The following C10orf90 variants were observed in gnomAD, a reference collection of about 807,000 sequenced individuals.
C10orf90 encodes (E2-independent) E3 ubiquitin-conjugating enzyme FATS.
Under a neutral mutation model 62.5 loss-of-function variants are expected in C10orf90, and 56 were observed. The observed-to-expected ratio is 0.90, with a 90% confidence interval of 0.72 to 1.12. The LOEUF (loss-of-function observed/expected upper bound fraction) is 1.12. Among genes scored for constraint, C10orf90 ranks in the 50% most tolerant of loss-of-function variants. The pLI is 0.00. For synonymous variants in C10orf90, 386 were observed against 340.4 expected (o/e 1.13, Z -1.47); for missense variants, 970 against 880.4 (o/e 1.10, Z -1.29).
intron 2 of C10orf90, among the ~76,000 whole-genome samples, chr10:126,623,840 CAA>C (rs34974050): frequency 2.2e-3 from 43 of 19,556 alleles, no homozygotes; most frequent in African/African-American, 4.4e-3. Context: ...GACTCCATCT[CAA>C]AAAAAAAAAA....
chr10:126,515,840 C>T (rs372978275), intron 2 of C10orf90, among the ~76,000 whole-genome samples: 49 of 152,310 alleles, frequency 3.2e-4, no homozygotes, highest in African/African-American at 7.2e-4. Flanking sequence ...TGACAGTGAG[C>T]GCCATCAGCT....
rs1007317251 is a variant in C10orf90, at chr10:126,425,186, T to C, written c.*678A>G. 6.6e-6 allele frequency: 1 copy of C among 151,988 alleles called. No homozygotes were observed. Among genetic ancestry groups the C allele is most frequent in the African/African-American group, 2.4e-5 (1 of 41,358 alleles). The allele number at this position is 151,988 out of a possible 1,614,324, so 9.4% of individuals were successfully genotyped here. ...TTAATGGGGCGGGGCAGGAGGAGTATTGTAGAAAACACTGAAGTTACGTCA... is the reference window on the plus strand; with the variant it reads ...TTAATGGGGCGGGGCAGGAGGAGTACTGTAGAAAACACTGAAGTTACGTCA... On this transcript the variant is annotated 3_prime_UTR_variant, in exon 10 of 10. Coordinates refer to ENST00000488181, the MANE Select transcript of C10orf90 (RefSeq NM_001350921.2).
rs150503983 is a variant in C10orf90 at position 126,539,018 on chromosome 10, G to T, written c.314-25079C>A. Among the ~76,000 whole-genome samples, 64 of 152,334 alleles carry T rather than the reference G, an allele frequency of 4.2e-4. No homozygotes were observed. The East Asian group carries it at 0.012, about 28-fold the overall frequency. ...TTTCTGCTGCATAAAGCTGGGCCTGGAGCAAAATTAGCTTTGAAGTTGATT... is the reference window on the plus strand; with the variant it reads ...TTTCTGCTGCATAAAGCTGGGCCTGTAGCAAAATTAGCTTTGAAGTTGATT... On this transcript the variant is annotated intron_variant, in intron 2 of 9. Coordinates refer to ENST00000488181, the MANE Select transcript of C10orf90 (RefSeq NM_001350921.2).
intron 4 of C10orf90, among the ~76,000 whole-genome samples, chr10:126,466,279 C>T (rs1044978223): frequency 6.6e-5 from 10 of 151,722 alleles, no homozygotes; most frequent in South Asian, 2.1e-4. Context: ...CTTGGGAGGC[C>T]GAGGCGGGTG....
intron 1 of C10orf90, among the ~76,000 whole-genome samples, chr10:126,649,849 C>A (rs1444785143): frequency 1.3e-5 from 2 of 152,142 alleles, no homozygotes; most frequent in African/African-American, 4.8e-5. Flanking sequence ...CTGTACATCT[C>A]TGGTGTCCAG....
intron 2 of C10orf90, among the ~76,000 whole-genome samples, chr10:126,568,445 C>G (rs1441239397): frequency 6.6e-6 from 1 of 152,180 alleles, no homozygotes; most frequent in African/African-American, 2.4e-5. Context: ...TATAGCCCCT[C>G]CGTCTTCAAA....
chr10:126,486,916 G>T (rs1039513933), intron 4 of C10orf90, among the ~76,000 whole-genome samples: 2 of 151,994 alleles, frequency 1.3e-5, no homozygotes, highest in Non-Finnish European at 1.5e-5. Context: ...GCCAAGGGGG[G>T]TGGATCACCT....
rs114866138 is a variant in C10orf90, at chr10:126,601,207, G to A, written c.313+45358C>T. ...TCACCAGGGGTAGGGGCTGAGGGTG[G>A]GGAGATGTAGGTTAAAGGATACAAA... On this transcript the variant is annotated intron_variant, in intron 2 of 9. Transcript: ENST00000488181. Among the ~76,000 whole-genome samples the A allele has an allele frequency of 4.9e-3, 742 of 152,230 alleles. 8 individuals are homozygous for A. The highest frequency in any genetic ancestry group is 0.017 in the African/African-American group (713 of 41,548).
chr10:126,472,049 C>G (rs1286161934), intron 4 of C10orf90, among the ~76,000 whole-genome samples: 1 of 152,156 alleles, frequency 6.6e-6, no homozygotes, highest in South Asian at 2.1e-4. Context: ...CATCTTTCTA[C>G]CTTCCTTTCA....
At position 126,535,657 on chromosome 10, in the gene C10orf90, T is replaced by A. The variant is rs544750490; in HGVS notation, c.314-21718A>T. On this transcript the variant is annotated intron_variant, in intron 2 of 9. Coordinates refer to ENST00000488181, the MANE Select transcript of C10orf90 (RefSeq NM_001350921.2). ...TTAATGTATAATAATTAAAAAAAAA[T>A]TTGTCTTAGCTCTCCCCAGTGGAAA... Among the ~76,000 whole-genome samples, 22 of 152,068 alleles carry A rather than the reference T, an allele frequency of 1.4e-4. No individual in the cohort carries two copies. The South Asian group carries it at 1.5e-3, about 10-fold the overall frequency.
At chr10:126,492,607 G>C (rs1243799821) in intron 4 of C10orf90, among the ~76,000 whole-genome samples, 2 of 152,148 alleles carry the variant, frequency 1.3e-5, no homozygotes, top group African/African-American at 2.4e-5. Context: ...GAACTCTGAA[G>C]AAAACTGAAG....
intron 7 of C10orf90, among the ~76,000 whole-genome samples, chr10:126,441,030 A>C (rs1858284607): frequency 1.3e-5 from 2 of 152,308 alleles, no homozygotes; most frequent in Admixed American, 6.5e-5. Context: ...CAAACCAAGA[A>C]TAAATACCTA....
At chr10:126,614,427 G>A (rs142947130) in intron 2 of C10orf90, among the ~76,000 whole-genome samples, 16 of 152,082 alleles carry the variant, frequency 1.1e-4, no homozygotes, top group African/African-American at 3.9e-4. Context: ...TGGATTCAGG[G>A]TTAGAGAAAA....
chr10:126,425,087 T>C lies in C10orf90; in HGVS notation c.*777A>G, dbSNP rs771171518. ...CCCAAACAGACATATTTATAAATAA[T>C]GTGTATTATAAACATTTGGAAGAAC... On this transcript the variant is annotated 3_prime_UTR_variant, in exon 10 of 10. Coordinates refer to ENST00000488181, the MANE Select transcript of C10orf90 (RefSeq NM_001350921.2). 1.3e-5 allele frequency: 2 copies of C among 152,230 alleles called. No homozygotes were observed. Among genetic ancestry groups the C allele is most frequent in the Admixed American group, 6.5e-5 (1 of 15,282 alleles). The allele number at this position is 152,230 out of a possible 1,614,324, so 9.4% of individuals were successfully genotyped here.
chr10:126,666,629 G>A (rs1242153548), intron 1 of C10orf90, among the ~76,000 whole-genome samples: 1 of 152,026 alleles, frequency 6.6e-6, no homozygotes, highest in Non-Finnish European at 1.5e-5. Context: ...GCTGCTCTGG[G>A]CCCACTGAGT....
chr10:126,444,809 G>T lies in C10orf90; in HGVS notation c.2188+14231C>A, dbSNP rs546621271. Among the ~76,000 whole-genome samples, 8 of 152,190 alleles carry T rather than the reference G, an allele frequency of 5.3e-5. No homozygotes were observed. The South Asian group carries it at 1.7e-3, about 32-fold the overall frequency. ...ATAGTCACCAAAACAGCATGGTACT[G>T]GTATAAAAATAGGCACATAGAACAA... On this transcript the variant is annotated intron_variant, in intron 7 of 9. Coordinates refer to ENST00000488181, the MANE Select transcript of C10orf90 (RefSeq NM_001350921.2).
chr10:126,609,559 A>C, intron 2 of C10orf90, among the ~76,000 whole-genome samples: 1 of 152,344 alleles, frequency 6.6e-6, no homozygotes, highest in South Asian at 2.1e-4. Flanking sequence ...ACAAAGCAAA[A>C]CAGACAAATT....
At chr10:126,592,262 A>C (rs904109873) in intron 2 of C10orf90, among the ~76,000 whole-genome samples, 6 of 152,200 alleles carry the variant, frequency 3.9e-5, no homozygotes, top group African/African-American at 2.4e-5. Context: ...CAAAAAGAAA[A>C]AGCTGGAGGC....
At chr10:126,517,373 G>T (rs563427781) in intron 2 of C10orf90, among the ~76,000 whole-genome samples, 1 of 152,238 alleles carries the variant, frequency 6.6e-6, no homozygotes, top group African/African-American at 2.4e-5. Context: ...ACGGGCAGAG[G>T]GTGTGCAGGC....
Sources: gnomAD v4.1 joint callset for allele counts (sites outside exome capture counted in the v4.1 genomes callset) on GRCh38, gnomAD v4.1.1 for gene constraint, MANE v1.5 for transcripts, NCBI Gene and HGNC (gene_info 2026-07-23, HGNC 2026-07-21) for gene names.